Variants in PCSK5 observed in about 807,000 individuals in gnomAD.
PCSK5 encodes the protein prohormone convertase 5.
A neutral mutation model predicts 233.2 loss-of-function variants in PCSK5; 129 were observed. The ratio of observed to expected loss-of-function variants is 0.55; its 90% CI spans 0.48 to 0.64. The LOEUF is 0.64. Among genes scored for constraint, PCSK5 ranks in the 30% least tolerant of loss-of-function variants. PCSK5 has a pLI of 0.00. For synonymous variants in PCSK5, 825 were observed against 879.2 expected, an observed-to-expected ratio of 0.94 and a Z score of 1.09; for missense variants, 2,076 against 2,430.1, an observed-to-expected ratio of 0.85 and a Z score of 3.06.
intron 2 of PCSK5, among the ~76,000 whole-genome samples, chr9:75,975,249 C>A (rs1033325428): frequency 6.6e-6 from 1 of 152,134 alleles, no homozygotes; most frequent in Non-Finnish European, 1.5e-5. Context: ...GAAACAATAG[C>A]CATTGCCATT....
intron 1 of PCSK5, among the ~76,000 whole-genome samples, chr9:75,904,769 A>G (rs1826188580): frequency 6.6e-6 from 1 of 152,190 alleles, no homozygotes; most frequent in African/African-American, 2.4e-5. Context: ...ACATACAGCT[A>G]CTCTATGACC....
chr9:75,898,106 T>G (rs1430107441), intron 1 of PCSK5, among the ~76,000 whole-genome samples: 2 of 152,172 alleles, frequency 1.3e-5, no homozygotes, highest in Admixed American at 1.3e-4. Flanking sequence ...TACCCTGACC[T>G]AAACTGACAT....
chr9:76,280,873 G>C (rs1201453123), intron 24 of PCSK5, among the ~76,000 whole-genome samples: 1 of 151,648 alleles, frequency 6.6e-6, no homozygotes. Context: ...TGATAAAAAA[G>C]AGAAACAGCC....
intron 5 of PCSK5, among the ~76,000 whole-genome samples, chr9:76,055,414 A>T (rs1240384713): frequency 6.6e-6 from 1 of 151,960 alleles, no homozygotes; most frequent in Non-Finnish European, 1.5e-5. Context: ...AAATTTTTAA[A>T]TTTTTTTTCT....
intron 20 of PCSK5, among the ~76,000 whole-genome samples, chr9:76,226,801 A>C (rs1482412861): frequency 2.6e-5 from 4 of 152,126 alleles, no homozygotes; most frequent in Non-Finnish European, 5.9e-5. Context: ...ACTTTCCATG[A>C]GATTGGCCTC....
At position 76,361,637 on chromosome 9, in the gene PCSK5, G is replaced by A. The variant is rs1356463893; in HGVS notation, c.*2715G>A. On this transcript the variant is annotated 3_prime_UTR_variant, in exon 38 of 38. Coordinates refer to ENST00000674117, the MANE Select transcript of PCSK5 (RefSeq NM_001372043.1). ...GGATCACTTGAACCCGGGAGGTCGA[G>A]GCTGCAGTGAGCTGTGATCTTGCTA... 1 of 152,402 alleles carries A rather than the reference G, an allele frequency of 6.6e-6. No homozygotes were observed. The highest frequency in any genetic ancestry group is 1.5e-5 in the Non-Finnish European group (1 of 68,184). The allele number at this position is 152,402 out of a possible 1,614,324, so 9.4% of individuals were successfully genotyped here. A position where few individuals can be genotyped will look rare whatever the true frequency, so the allele number is the denominator to read the frequency against.
intron 34 of PCSK5, among the ~76,000 whole-genome samples, chr9:76,336,464 G>T (rs1001397138): frequency 6.6e-6 from 1 of 152,120 alleles, no homozygotes; most frequent in African/African-American, 2.4e-5. Context: ...CAAGAATTTT[G>T]TTACCCTCTT....
At chr9:76,338,534 C>A in intron 35 of PCSK5, 87 bp downstream of exon 35, 1 of 922,202 alleles carries the variant, frequency 1.1e-6, no homozygotes. Context: ...CTTCTCACCA[C>A]CTGGGAGGTT....
chr9:76,240,770 C>A, intron 24 of PCSK5, 86 bp downstream of exon 24: 2 of 911,856 alleles, frequency 2.2e-6, no homozygotes, highest in Non-Finnish European at 3.5e-6. Context: ...CCCCAGCAGG[C>A]ACTCTTGTCA....
In PCSK5 at chr9:76,188,591, C is replaced by T. The variant is rs569116220; in HGVS notation, c.2296C>T (p.Arg766Trp). The T allele has an allele frequency of 8.6e-5, 139 of 1,612,986 alleles. No homozygotes were observed. The highest frequency in any genetic ancestry group is 5.0e-4 in the Middle Eastern group (3 of 6,056). Reference protein sequence around the residue: ...CRDGLSLQGSRCSVSCEDGRY... With the variant: ...CRDGLSLQGSWCSVSCEDGRY... The stretch of plus-strand genomic sequence containing the variant: ...TACTTCTTCCAGCCTGCAGGGATCC[C>T]GGTGCTCTGTCTCCTGTGAAGATGG... Residue 766 changes from arginine to tryptophan, a missense_variant, in exon 18 of 38, where the codon CGG (arginine) becomes TGG (tryptophan). Physicochemically the swap from Arg to Trp is moderately radical, Grantham distance 101. This residue lies in a region of PCSK5 where 1,510 missense variants were observed against 1,538.1 expected (regional missense o/e 0.98). Transcript: ENST00000674117.
At chr9:75,920,774 A>G (rs1287389481) in intron 1 of PCSK5, among the ~76,000 whole-genome samples, 2 of 152,118 alleles carry the variant, frequency 1.3e-5, no homozygotes, top group Non-Finnish European at 2.9e-5. Context: ...CCACTGCACT[A>G]TAGCCTGGGT....
chr9:75,948,622 C>T (rs375512477), intron 2 of PCSK5, among the ~76,000 whole-genome samples: 6 of 152,156 alleles, frequency 3.9e-5, no homozygotes, highest in African/African-American at 9.6e-5. Context: ...AATAAATATA[C>T]GTGTGCAGGT....
chr9:76,329,543 A>G (rs1829466052), intron 33 of PCSK5, among the ~76,000 whole-genome samples: 1 of 152,056 alleles, frequency 6.6e-6, no homozygotes, highest in Non-Finnish European at 1.5e-5. Context: ...CTTTAGAAAA[A>G]TACAGTCTTG....
At chr9:75,918,161 T>C (rs1166279065) in intron 1 of PCSK5, among the ~76,000 whole-genome samples, 1 of 152,236 alleles carries the variant, frequency 6.6e-6, no homozygotes, top group Admixed American at 6.5e-5. Flanking sequence ...AAACATAGAT[T>C]GGGCCCTTAG....
At chr9:76,046,177 T>TTTG (rs1829377629) in intron 5 of PCSK5, among the ~76,000 whole-genome samples, 8 of 118,228 alleles carry the variant, frequency 6.8e-5, no homozygotes, top group Non-Finnish European at 1.4e-4. Context: ...TTTTTTTTTT[T>TTTG]TTTTTTTTTT....
rs143420010 is a variant in PCSK5, at chr9:76,227,476, A to T, written c.2627-27A>T. 3.8e-4 allele frequency: 581 copies of T among 1,524,206 alleles called. 5 individuals carry two copies. The East Asian group carries it at 0.012, about 32-fold the overall frequency. 94.4% of individuals were successfully genotyped at this position (1,524,206 alleles called of 1,614,324 possible). A position where few individuals can be genotyped will look rare whatever the true frequency, so the allele number is the denominator to read the frequency against. The stretch of plus-strand genomic sequence containing the variant: ...AGGCAGGCTTGCCATGTAGAAATGA[A>T]ATAAACAACTAGATTTTGTTCCCCA... On this transcript the variant is annotated intron_variant, in intron 20 of 37. Coordinates refer to ENST00000674117, the MANE Select transcript of PCSK5 (RefSeq NM_001372043.1).
chr9:76,173,584 A>G (rs1021188727), intron 13 of PCSK5, among the ~76,000 whole-genome samples: 6 of 148,076 alleles, frequency 4.1e-5, no homozygotes, highest in Admixed American at 1.4e-4. Context: ...GTTAACAAAT[A>G]AGAACTAAAC....
chr9:75,899,552 G>A lies in PCSK5; in HGVS notation c.192+8179G>A, dbSNP rs115685333. ...TCTCCCTCCTCCCTCTCCTCACCCC[G>A]GTAGTCACTGTTACACTCTGTTTCT... On this transcript the variant is annotated intron_variant, in intron 1 of 37. Coordinates refer to ENST00000674117, the MANE Select transcript of PCSK5 (RefSeq NM_001372043.1). Among the ~76,000 whole-genome samples, 425 of 152,106 alleles carry A rather than the reference G, an allele frequency of 2.8e-3. 2 individuals are homozygous for A. The highest frequency in any genetic ancestry group is 9.8e-3 in the African/African-American group (408 of 41,480).
At position 76,351,524 on chromosome 9, in the gene PCSK5, G is replaced by GAAAGA. The variant is rs1564196931; in HGVS notation, c.5067+599_5067+603dup. 2.7e-4 allele frequency among the ~76,000 whole-genome samples: 31 copies of GAAAGA among 116,118 alleles called. 5 individuals are homozygous for GAAAGA. The highest frequency in any genetic ancestry group is 1.2e-3 in the South Asian group (4 of 3,326). The allele number at this position is 116,118 out of a possible 152,430, so 76.2% of individuals were successfully genotyped here. On this transcript the variant is annotated intron_variant, in intron 36 of 37. Coordinates refer to ENST00000674117, the MANE Select transcript of PCSK5 (RefSeq NM_001372043.1). ...AGAAAGAAAGAAAGAAAGAAAGAAA[G>GAAAGA]AAAGAAAGGAAGGAAAGAAAGAGAA...
Sources: gnomAD v4.1 joint callset for allele counts (sites outside exome capture counted in the v4.1 genomes callset) on GRCh38, gnomAD v4.1.1 for gene constraint, gnomAD v4.1.1 regional missense constraint, MANE v1.5 for transcripts, NCBI Gene and HGNC (gene_info 2026-07-23, HGNC 2026-07-21) for gene names.